Variants in KLF17 observed in about 807,000 individuals in gnomAD.
KLF17 encodes the protein Krueppel-like factor 17.
KLF17 carries 31 observed loss-of-function variants against 34.2 expected under a neutral mutation model. The ratio of observed to expected loss-of-function variants is 0.91; its 90% CI spans 0.68 to 1.22. KLF17 has a LOEUF of 1.22. KLF17 is among the 50% of genes most tolerant of loss of function. The pLI, the probability that KLF17 is intolerant of heterozygous loss-of-function variation, is 0.00. For synonymous variants in KLF17, 179 were observed against 186.7 expected, an observed-to-expected ratio of 0.96 and a Z score of 0.34; for missense variants, 478 against 505.2, an observed-to-expected ratio of 0.95 and a Z score of 0.52.
At chr1:44,058,151 C>T in the KLF17 span, among the ~76,000 whole-genome samples, 2 of 152,190 alleles carry the variant, frequency 1.3e-5, no homozygotes, top group African/African-American at 2.4e-5. Flanking sequence ...TTAGGCATTA[C>T]GTATCATCTT....
At chr1:44,089,863 G>T in the KLF17 span, among the ~76,000 whole-genome samples, 7 of 152,068 alleles carry the variant, frequency 4.6e-5, no homozygotes, top group Non-Finnish European at 5.9e-5. Context: ...AGGTTGAGTA[G>T]TGTGATAGAC....
upstream of KLF17, chr1:44,117,284 G>C (rs2087889441): frequency 6.6e-6 from 1 of 152,010 alleles, no homozygotes; most frequent in Non-Finnish European, 1.5e-5. Context: ...GCTGAACTTA[G>C]TGTGGACACC....
the KLF17 span, chr1:44,103,463 G>T: frequency 1.2e-6 from 1 of 854,470 alleles, no homozygotes; most frequent in Non-Finnish European, 2.0e-6. Flanking sequence ...CCAGACCGTA[G>T]CTGAGGCCGG....
At chr1:44,077,694 G>A in the KLF17 span, among the ~76,000 whole-genome samples, 3 of 152,322 alleles carry the variant, frequency 2.0e-5, no homozygotes, top group South Asian at 2.1e-4. Context: ...GAGTTTCTCC[G>A]TGTGATCTCT....
chr1:44,085,832 A>G, the KLF17 span, among the ~76,000 whole-genome samples: 2 of 145,130 alleles, frequency 1.4e-5, no homozygotes, highest in Non-Finnish European at 3.0e-5. Context: ...AAAAAAAAAA[A>G]GGAGAGAGAG....
intron 1 of KLF17, 64 bp from the exon 2 acceptor site, chr1:44,129,289 A>C: frequency 6.7e-7 from 1 of 1,496,818 alleles, no homozygotes; most frequent in South Asian, 1.4e-5. Flanking sequence ...GGGTCTGGGG[A>C]TGAAGAGGAG....
the KLF17 span, among the ~76,000 whole-genome samples, chr1:44,049,630 G>A: frequency 2.6e-5 from 4 of 152,194 alleles, no homozygotes; most frequent in Admixed American, 6.5e-5. Context: ...CTACAGGCAT[G>A]TGCCACCATG....
rs139636116 is a variant in KLF17, at chr1:44,129,720, A to G, written c.449A>G (p.Asn150Ser). 502 of 1,614,140 alleles carry G rather than the reference A, an allele frequency of 3.1e-4. 3 individuals carry two copies. The East Asian group carries it at 9.8e-3, about 32-fold the overall frequency. ...IPRVARPFGGNLRMPPNGLPV... is the reference protein window; with the variant it reads ...IPRVARPFGGSLRMPPNGLPV... The stretch of plus-strand genomic sequence containing the variant: ...AGGGTAGCCAGGCCCTTCGGTGGGA[A>G]TCTAAGGATGCCCCCCAATGGGCTG... The change falls in exon 2 of 4, where the codon AAT (asparagine) becomes AGT (serine). Residue 150 changes from asparagine to serine, a missense_variant. Transcript: ENST00000372299.
chr1:44,095,452 T>C, the KLF17 span, among the ~76,000 whole-genome samples: 1 of 151,612 alleles, frequency 6.6e-6, no homozygotes, highest in Non-Finnish European at 1.5e-5. Context: ...CGACCTCAGG[T>C]GATCCACCTG....
chr1:44,113,881 G>A (rs1185168100), upstream of KLF17: 1 of 152,304 alleles, frequency 6.6e-6, no homozygotes, highest in African/African-American at 2.4e-5. Flanking sequence ...GACAGCTCAT[G>A]GACCCAGGAC....
At chr1:44,099,083 G>A in the KLF17 span, among the ~76,000 whole-genome samples, 1 of 151,890 alleles carries the variant, frequency 6.6e-6, no homozygotes, top group Non-Finnish European at 1.5e-5. Flanking sequence ...TCTATAATGT[G>A]CTACCTTTTG....
chr1:44,047,026 C>CAAA, the KLF17 span, among the ~76,000 whole-genome samples: 8 of 83,494 alleles, frequency 9.6e-5, no homozygotes, highest in South Asian at 4.9e-4. Flanking sequence ...GACTCAGTCT[C>CAAA]AAAAAAAAAA....
At chr1:44,090,598 TA>T in the KLF17 span, among the ~76,000 whole-genome samples, 1 of 152,030 alleles carries the variant, frequency 6.6e-6, no homozygotes, top group African/African-American at 2.4e-5. Context: ...ATCATTGTGT[TA>T]AAGAGAAAGT....
chr1:44,046,247 T>C, the KLF17 span: 1 of 150,704 alleles, frequency 6.6e-6, no homozygotes, highest in African/African-American at 2.4e-5. Flanking sequence ...AGAGTCTCAT[T>C]ATTCTGTCCC....
At chr1:44,121,129 CTTTT>C (rs1311012874) in intron 1 of KLF17, among the ~76,000 whole-genome samples, 1 of 152,040 alleles carries the variant, frequency 6.6e-6, no homozygotes, top group Admixed American at 6.6e-5. Context: ...TATACACTTT[CTTTT>C]GAGACAGGGT....
upstream of KLF17, among the ~76,000 whole-genome samples, chr1:44,118,698 GGCAT>G (rs2087908009): frequency 6.6e-6 from 1 of 152,056 alleles, no homozygotes; most frequent in African/African-American, 2.4e-5. Flanking sequence ...CCTTGGTTGG[GGCAT>G]GGTGAGGGTG....
At chr1:44,091,731 A>G in the KLF17 span, among the ~76,000 whole-genome samples, 3 of 151,420 alleles carry the variant, frequency 2.0e-5, no homozygotes. Context: ...GCATATTAGT[A>G]TATTCTTAAA....
chr1:44,048,932 T>C, the KLF17 span, among the ~76,000 whole-genome samples: 2 of 152,252 alleles, frequency 1.3e-5, no homozygotes, highest in African/African-American at 4.8e-5. Context: ...GCTTAATGCG[T>C]CACCACAACT....
At chr1:44,081,661 T>A in the KLF17 span, among the ~76,000 whole-genome samples, 1 of 152,008 alleles carries the variant, frequency 6.6e-6, no homozygotes, top group Non-Finnish European at 1.5e-5. Context: ...CCTCAAGTGA[T>A]CCACCTGCCT....
Sources: allele counts gnomAD v4.1 joint callset (sites outside exome capture counted in the v4.1 genomes callset), GRCh38; gene constraint gnomAD v4.1.1; transcripts MANE v1.5; gene names NCBI Gene and HGNC (gene_info 2026-07-23, HGNC 2026-07-21).